Variants in STOX2 observed in about 807,000 individuals in gnomAD.
The protein encoded by STOX2 is storkhead-box protein 2.
A neutral mutation model predicts 60.9 loss-of-function variants in STOX2; 28 were observed. The ratio of observed to expected loss-of-function variants is 0.46; its 90% CI spans 0.34 to 0.63. The LOEUF (loss-of-function observed/expected upper bound fraction) is 0.63, where lower values mean the gene tolerates loss of function less well. Ranked by LOEUF, STOX2 falls within the 30% of genes least tolerant of loss-of-function variation. The pLI, the probability that STOX2 is intolerant of heterozygous loss-of-function variation, is 0.01. For missense variants in STOX2, 1,024 were observed against 1,187.7 expected (o/e 0.86, Z 2.03); for synonymous variants, 472 against 463.9 (o/e 1.02, Z -0.22).
chr4:183,851,256 AGAAAGGATGAGAGAAACGATGAGG>A (rs1740125096), intron 1 of STOX2, among the ~76,000 whole-genome samples: 3 of 55,216 alleles, frequency 5.4e-5, no homozygotes, highest in Admixed American at 1.7e-4. Context: ...AAAGGATGAG[AGAAAGGATGAGAGAAACGATGAGG>A]GAAAGGATGA....
rs1229648743 is a variant in STOX2 at position 183,865,026 on chromosome 4, T to TG, written c.364+66974dup. On this transcript the variant is annotated intron_variant, in intron 1 of 2. Coordinates refer to the STOX2 transcript ENST00000513034. This position sits in a 1 kb window ranked among gnomAD's most constrained non-coding sequence, Gnocchi z 4.1. ...ACAGTTCTCCAAATCCCAGTTACCC[T>TG]GGGAACACCTTCCTGACCATCACAA... is the stretch of plus-strand genomic sequence containing the variant. Among the ~76,000 whole-genome samples, 1 of 152,208 alleles carries TG rather than the reference T, an allele frequency of 6.6e-6. No homozygotes were observed. Among genetic ancestry groups the TG allele is most frequent in the African/African-American group, 2.4e-5 (1 of 41,452 alleles).
At chr4:183,807,129 C>T (rs151218648) in intron 1 of STOX2, among the ~76,000 whole-genome samples, 9 of 152,078 alleles carry the variant, frequency 5.9e-5, no homozygotes, top group African/African-American at 1.4e-4. Context: ...ACCACCACCA[C>T]GCCCAGCTAA....
At chr4:183,894,550 AC>A (rs926769047) in intron 1 of STOX2, among the ~76,000 whole-genome samples, 4 of 150,050 alleles carry the variant, frequency 2.7e-5, no homozygotes, top group Non-Finnish European at 5.9e-5. Flanking sequence ...AATATATGGG[AC>A]CTTTTTTTTT....
At chr4:183,861,347 TTGTC>T (rs776906267) in intron 1 of STOX2, among the ~76,000 whole-genome samples, 17 of 152,234 alleles carry the variant, frequency 1.1e-4, no homozygotes, top group East Asian at 1.9e-4. Flanking sequence ...GCCCCTGTCT[TTGTC>T]TGGCCATTGC....
chr4:183,815,537 C>A (rs1220885448), intron 1 of STOX2, among the ~76,000 whole-genome samples: 3 of 152,040 alleles, frequency 2.0e-5, no homozygotes, highest in African/African-American at 2.4e-5. Flanking sequence ...TGGACAATTA[C>A]AAAAAGCCAG....
chr4:183,910,377 CTG>C (rs571785493), intron 1 of STOX2, among the ~76,000 whole-genome samples: 28 of 152,266 alleles, frequency 1.8e-4, no homozygotes, highest in Admixed American at 5.9e-4. Flanking sequence ...TCATTTGTCT[CTG>C]TGAAATGATT....
chr4:184,015,424 T>C (rs1220370928), intron 3 of STOX2: 1 of 152,226 alleles, frequency 6.6e-6, no homozygotes, highest in African/African-American at 2.4e-5. Context: ...ACCATAAGCA[T>C]AATGAAAAAC....
chr4:183,818,841 G>C (rs185883080), intron 1 of STOX2, among the ~76,000 whole-genome samples: 3,702 of 151,658 alleles, frequency 0.024, 122 homozygotes, highest in African/African-American at 0.086. Flanking sequence ...GGTCGCGACC[G>C]GGCAGAGGCG....
chr4:183,956,683 C>T (rs569074232), intron 1 of STOX2, among the ~76,000 whole-genome samples: 1 of 152,060 alleles, frequency 6.6e-6, no homozygotes, highest in Non-Finnish European at 1.5e-5. Context: ...TTAACATTCA[C>T]GTTTTTTCTG....
At chr4:183,922,157 T>C (rs539642663) in intron 1 of STOX2, among the ~76,000 whole-genome samples, 125 of 152,324 alleles carry the variant, frequency 8.2e-4, no homozygotes, top group Non-Finnish European at 1.4e-3. Flanking sequence ...GTATAGAAAT[T>C]GCATTCATCT....
chr4:183,951,012 G>C (rs573145099), intron 1 of STOX2, among the ~76,000 whole-genome samples: 1 of 151,898 alleles, frequency 6.6e-6, no homozygotes. Context: ...TCAGGAGATC[G>C]AGACCATCCT....
At chr4:183,831,077 G>T (rs1739555846) in intron 1 of STOX2, among the ~76,000 whole-genome samples, 1 of 152,046 alleles carries the variant, frequency 6.6e-6, no homozygotes, top group Non-Finnish European at 1.5e-5. Flanking sequence ...GGCCTGAGCA[G>T]CTGGCTTGGA....
Position 184,017,203 on chromosome 4 carries a change from G to A in STOX2, c.2700G>A (p.Ala900=), listed in dbSNP as rs201713170. 1.2e-5 allele frequency: 19 copies of A among 1,612,450 alleles called. No individual in the cohort carries two copies. The highest frequency in any genetic ancestry group is 6.6e-5 in the South Asian group (6 of 90,618). The change falls in exon 4 of 4, where the codon GCG becomes GCA. Residue 900 remains alanine (A), a synonymous_variant. Coordinates refer to ENST00000308497, the MANE Select transcript of STOX2 (RefSeq NM_020225.3). ...GGAGPAFNFR[A]SAEPPTNEAE... ...CTGGTCCAGCCTTCAACTTCCGAGCGAGCGCGGAGCCCCCGACAAATGAAG... is the reference window on the plus strand; with the variant it reads ...CTGGTCCAGCCTTCAACTTCCGAGCAAGCGCGGAGCCCCCGACAAATGAAG...
chr4:183,986,305 A>C (rs1732841819), intron 1 of STOX2, among the ~76,000 whole-genome samples: 1 of 152,224 alleles, frequency 6.6e-6, no homozygotes, highest in Admixed American at 6.5e-5. Flanking sequence ...TAAAAAGTGC[A>C]TCAGTAGCAG....
Position 184,019,937 on chromosome 4 carries a change from C to T in STOX2, c.*2653C>T, listed in dbSNP as rs568947777. 3 of 152,134 alleles carry T rather than the reference C, an allele frequency of 2.0e-5. No individual in the cohort carries two copies. Among genetic ancestry groups the T allele is most frequent in the Non-Finnish European group, 4.4e-5 (3 of 68,022 alleles). The allele number at this position is 152,134 out of a possible 1,614,324, so 9.4% of individuals were successfully genotyped here. On this transcript the variant is annotated 3_prime_UTR_variant, in exon 4 of 4. Transcript: ENST00000308497. ...TGTAAAATCATAGCTTTGTGTTACA[C>T]GACTGCTTATCCAGTCTTAGGGTTT...
chr4:184,011,672 G>C lies in STOX2; in HGVS notation c.2585+249G>C. 1 of 1,435,302 alleles carries C rather than the reference G, an allele frequency of 7.0e-7. No individual in the cohort carries two copies. Among genetic ancestry groups the C allele is most frequent in the Non-Finnish European group, 9.2e-7 (1 of 1,089,040 alleles). The allele number at this position is 1,435,302 out of a possible 1,614,324, so 88.9% of individuals were successfully genotyped here. ...CCTCCCCTCAAACTTGCATCAGTCT[G>C]ATCTAACTAAAACCAATATTTCCAG... On this transcript the variant is annotated intron_variant, in intron 3 of 3. Coordinates refer to ENST00000308497, the MANE Select transcript of STOX2 (RefSeq NM_020225.3). This position sits in a 1 kb window ranked among gnomAD's most constrained non-coding sequence, Gnocchi z 4.4.
At chr4:183,975,643 A>T (rs1039225533) in intron 1 of STOX2, among the ~76,000 whole-genome samples, 2 of 152,228 alleles carry the variant, frequency 1.3e-5, no homozygotes, top group African/African-American at 4.8e-5. Context: ...ATCTCAATAA[A>T]TTCAATGTAT....
chr4:183,824,592 A>G (rs1739379394), intron 1 of STOX2, among the ~76,000 whole-genome samples: 1 of 152,228 alleles, frequency 6.6e-6, no homozygotes, highest in Non-Finnish European at 1.5e-5. Context: ...GTGATTATAG[A>G]AAAGTTTCTT....
At chr4:183,888,011 CCCAAAGTGT>C (rs1741121980) in intron 1 of STOX2, among the ~76,000 whole-genome samples, 1 of 152,194 alleles carries the variant, frequency 6.6e-6, no homozygotes, top group African/African-American at 2.4e-5. Context: ...GCCTTGGCCT[CCCAAAGTGT>C]TGGGATTACA....
Sources: gnomAD v4.1 joint callset for allele counts (sites outside exome capture counted in the v4.1 genomes callset) on GRCh38, gnomAD v4.1.1 for gene constraint, Gnocchi (gnomAD v3.1) non-coding constraint, MANE v1.5 for transcripts, NCBI Gene and HGNC (gene_info 2026-07-23, HGNC 2026-07-21) for gene names.